Variants in COL4A4 observed in about 807,000 individuals in gnomAD.
COL4A4 encodes collagen type IV alpha 4 chain.
In COL4A4, 105 loss-of-function variants were observed where a neutral mutation model predicts 192.9. That is an observed-to-expected ratio of 0.54 (90% CI 0.46 to 0.64). COL4A4 has a LOEUF of 0.64. Ranked by LOEUF, COL4A4 falls within the 30% of genes least tolerant of loss-of-function variation. The pLI is 0.00. For missense variants in COL4A4, 1,967 were observed against 2,169.3 expected (o/e 0.91, Z 1.85); for synonymous variants, 762 against 769.9 (o/e 0.99, Z 0.17).
intron 8 of COL4A4, among the ~76,000 whole-genome samples, chr2:227,112,000 G>A (rs776413187): frequency 8.6e-5 from 13 of 152,010 alleles, no homozygotes; most frequent in Non-Finnish European, 1.9e-4. Context: ...CAATCCAGTG[G>A]TCCCGTTTCC....
intron 40 of COL4A4, 122 bp from the exon 41 acceptor site, chr2:227,030,720 G>A (rs1437756544): frequency 5.7e-6 from 4 of 696,960 alleles, no homozygotes; most frequent in Non-Finnish European, 9.2e-6. Context: ...AAGAGAATTA[G>A]AAGAATAAGA....
In COL4A4 at chr2:227,012,214, C is replaced by T; in HGVS notation, c.4300G>A (p.Asp1434Asn). Residue 1434 changes from aspartate to asparagine, a missense_variant, in exon 45 of 48, where the codon GAC becomes AAC. Asp to Asn is a conservative substitution (Grantham distance 23, BLOSUM62 1). Coordinates refer to ENST00000396625, the MANE Select transcript of COL4A4 (RefSeq NM_000092.5). ...GSPGPPGRKG[D>N]TGEDGYPGGP... ...CCAGGGTAGCCGTCTTCTCCTGTGTCACCTTTACGTCCGGGAGGCCCAGGA... is the reference window on the plus strand; with the variant it reads ...CCAGGGTAGCCGTCTTCTCCTGTGTTACCTTTACGTCCGGGAGGCCCAGGA... The T allele has an allele frequency of 6.2e-7, 1 of 1,614,122 alleles. No homozygotes were observed. Among genetic ancestry groups the T allele is most frequent in the South Asian group, 1.1e-5 (1 of 91,080 alleles).
chr2:227,154,914 AC>A (rs2125482709), intron 1 of COL4A4, among the ~76,000 whole-genome samples: 1 of 152,152 alleles, frequency 6.6e-6, no homozygotes, highest in Non-Finnish European at 1.5e-5. Context: ...CTAAAATCCC[AC>A]CTTTTGGGGT....
rs556945835 is a variant in COL4A4 at position 227,074,704 on chromosome 2, T to C, written c.1987+3190A>G. On this transcript the variant is annotated intron_variant, in intron 25 of 47. Coordinates refer to ENST00000396625, the MANE Select transcript of COL4A4 (RefSeq NM_000092.5). ...AAGAAAATGTGGTATACAAAAAACA[T>C]GGAATACTACTCAGCCATTAAAAGG... Among the ~76,000 whole-genome samples the C allele has an allele frequency of 3.8e-4, 58 of 152,270 alleles. 1 individual carries two copies. The South Asian group carries it at 0.012, about 31-fold the overall frequency.
intron 1 of COL4A4, among the ~76,000 whole-genome samples, chr2:227,148,923 C>T (rs1045218384): frequency 6.6e-6 from 1 of 151,596 alleles, no homozygotes. Flanking sequence ...CTCACTGCTG[C>T]CTCTGCCTCC....
In COL4A4 at chr2:227,031,946, T is replaced by C; in HGVS notation, c.3816A>G (p.Arg1272=). The change falls in exon 40 of 48, where the codon AGA becomes AGG. Residue 1272 remains arginine (R), a splice_region_variant and synonymous_variant. Coordinates refer to ENST00000396625, the MANE Select transcript of COL4A4 (RefSeq NM_000092.5). ...DQGPPGPDGP[R]GAPGPPGLPG... is the part of the protein sequence containing the mutation. ...TCCTTTGTCATGATTCTCTCATACC[T>C]CTTGGGCCATCAGGACCAGGAGGTC... is the stretch of plus-strand genomic sequence containing the variant. 1 of 1,606,440 alleles carries C rather than the reference T, an allele frequency of 6.2e-7. No individual in the cohort carries two copies. The highest frequency in any genetic ancestry group is 8.5e-7 in the Non-Finnish European group (1 of 1,173,158).
intron 2 of COL4A4, 84 bp downstream of exon 2, chr2:227,147,320 ACATATTAAG>A (rs763192477): frequency 2.7e-5 from 33 of 1,233,096 alleles, no homozygotes; most frequent in Admixed American, 8.4e-5. Flanking sequence ...TGGCTTTTTG[ACATATTAAG>A]CATTCAGACG....
intron 30 of COL4A4, among the ~76,000 whole-genome samples, chr2:227,055,514 TA>T (rs1386105271): frequency 6.6e-6 from 1 of 151,552 alleles, no homozygotes; most frequent in African/African-American, 2.4e-5. Flanking sequence ...ATAATAATAA[TA>T]AAATAAAAAA....
At chr2:226,993,836 T>G in the COL4A4 span, among the ~76,000 whole-genome samples, 51 of 152,218 alleles carry the variant, frequency 3.4e-4, no homozygotes, top group African/African-American at 1.2e-3. Context: ...TCCCACTGCT[T>G]TCTCTAACAT....
At chr2:226,991,633 T>C in the COL4A4 span, among the ~76,000 whole-genome samples, 11 of 152,370 alleles carry the variant, frequency 7.2e-5, no homozygotes, top group African/African-American at 2.6e-4. Flanking sequence ...TCATTTTATA[T>C]GCATTATCTC....
At chr2:227,138,565 G>A (rs1180958444) in intron 4 of COL4A4, among the ~76,000 whole-genome samples, 12 of 150,768 alleles carry the variant, frequency 8.0e-5, no homozygotes, top group Admixed American at 2.6e-4. Context: ...CCTGAGAGGC[G>A]GAGCGTGCAG....
At position 227,077,816 on chromosome 2, in the gene COL4A4, A is replaced by G. The variant is rs141003229; in HGVS notation, c.1987+78T>C. 1.7e-3 allele frequency: 2,170 copies of G among 1,306,106 alleles called. 7 individuals carry two copies. The highest frequency in any genetic ancestry group is 1.7e-3 in the Non-Finnish European group (1,583 of 927,914). The allele number at this position is 1,306,106 out of a possible 1,614,324, so 80.9% of individuals were successfully genotyped here. A position where few individuals can be genotyped will look rare whatever the true frequency, so the allele number is the denominator to read the frequency against. ...CACTAAAATCTCAGAATTCACCACT[A>G]TATAATTCTTCCACATAAGAAAAAT... On this transcript the variant is annotated intron_variant, in intron 25 of 47. Transcript: ENST00000396625.
At chr2:227,099,449 T>C (rs775387965) in intron 18 of COL4A4, among the ~76,000 whole-genome samples, 171 bp downstream of exon 18, 15 of 152,214 alleles carry the variant, frequency 9.9e-5, no homozygotes, top group Admixed American at 2.0e-4. Flanking sequence ...ATACAGTATA[T>C]GTACTGAAAA....
chr2:227,067,178 A>C (rs1027014155), intron 25 of COL4A4, among the ~76,000 whole-genome samples: 14 of 152,190 alleles, frequency 9.2e-5, no homozygotes, highest in Non-Finnish European at 1.8e-4. Context: ...TATCCTAAAT[A>C]TATATGCACC....
In COL4A4 at chr2:227,082,160, C is replaced by T; in HGVS notation, c.1651G>A (p.Gly551Ser). The T allele has an allele frequency of 6.2e-7, 1 of 1,614,108 alleles. No individual in the cohort carries two copies. The highest frequency in any genetic ancestry group is 8.5e-7 in the Non-Finnish European group (1 of 1,179,998). ...PGKHGASGPP[G>S]NKGAKGDMVV... is the part of the protein sequence containing the mutation. The stretch of plus-strand genomic sequence containing the variant: ...ATGTCACCCTTCGCCCCTTTGTTGC[C>T]AGGTGGTCCAGAGGCACCATGCTTT... The change falls in exon 23 of 48, where the codon GGC becomes AGC. Residue 551 changes from glycine (G) to serine (S), a missense_variant. Coordinates refer to ENST00000396625, the MANE Select transcript of COL4A4 (RefSeq NM_000092.5).
At chr2:227,133,861 A>G (rs2062641690) in intron 4 of COL4A4, among the ~76,000 whole-genome samples, 1 of 151,802 alleles carries the variant, frequency 6.6e-6, no homozygotes, top group Non-Finnish European at 1.5e-5. Context: ...ACGACACTCC[A>G]GCCTGAATGA....
chr2:227,134,209 C>T (rs1163398012), intron 4 of COL4A4, among the ~76,000 whole-genome samples: 2 of 152,212 alleles, frequency 1.3e-5, no homozygotes, highest in South Asian at 4.1e-4. Context: ...TGAGCACCTC[C>T]TCTCCCCATT....
chr2:227,157,786 C>T (rs981116892), intron 1 of COL4A4, among the ~76,000 whole-genome samples: 4 of 151,924 alleles, frequency 2.6e-5, no homozygotes, highest in African/African-American at 7.2e-5. Context: ...CCAAAGAAAA[C>T]TTCAGGGCTA....
Position 227,056,030 on chromosome 2 carries a change from C to G in COL4A4, c.2631G>C (p.Arg877=). 6.2e-7 allele frequency: 1 copy of G among 1,613,750 alleles called. No individual in the cohort carries two copies. Among genetic ancestry groups the G allele is most frequent in the Non-Finnish European group, 8.5e-7 (1 of 1,179,774 alleles). The change falls in exon 30 of 48, where the codon CGG becomes CGC. Residue 877 remains arginine, a synonymous_variant. Coordinates refer to ENST00000396625, the MANE Select transcript of COL4A4 (RefSeq NM_000092.5). ...GGCCTGGGGGACCATGTGCCCCAGG[C>G]CGTCCTGGGAGTCCGGGGAGGCCTT... ...GMKGLPGLPG[R]PGAHGPPGLP...
Sources: gnomAD v4.1 joint callset for allele counts (sites outside exome capture counted in the v4.1 genomes callset) on GRCh38, gnomAD v4.1.1 for gene constraint, MANE v1.5 for transcripts, NCBI Gene and HGNC (gene_info 2026-07-23, HGNC 2026-07-21) for gene names.